Variants in ABI3BP observed in about 807,000 individuals in gnomAD.
The protein encoded by ABI3BP is ABI family member 3 binding protein, also known as target of Nesh-SH3.
ABI3BP carries 216 observed loss-of-function variants against 268.6 expected under a neutral mutation model. That is an observed-to-expected ratio of 0.80 (90% CI 0.72 to 0.90). The LOEUF is 0.90. Among genes scored for constraint, ABI3BP ranks in the 40% least tolerant of loss-of-function variants. The probability of loss-of-function intolerance (pLI) is 0.00; values close to 1 mark genes in which losing one functional copy is unlikely to be tolerated. For synonymous variants in ABI3BP, 730 were observed against 730.0 expected (o/e 1.00, Z 0.00); for missense variants, 2,090 against 2,182.4 (o/e 0.96, Z 0.84).
chr3:100,838,581 G>A, intron 24 of ABI3BP, 117 bp from the exon 25 acceptor site: 1 of 892,836 alleles, frequency 1.1e-6, no homozygotes, highest in Non-Finnish European at 1.8e-6. Context: ...AAACATTTCT[G>A]GGGTGTGGGA....
At chr3:100,805,075 G>A (rs746325345) in intron 50 of ABI3BP, among the ~76,000 whole-genome samples, 4 of 152,020 alleles carry the variant, frequency 2.6e-5, no homozygotes, top group Non-Finnish European at 5.9e-5. Flanking sequence ...AGTGAAATCC[G>A]AGAAACTGCA....
At position 100,778,309 on chromosome 3, in the gene ABI3BP, A is replaced by G. The variant is rs2096766939; in HGVS notation, c.4308T>C (p.Asn1436=). 4 of 1,613,638 alleles carry G rather than the reference A, an allele frequency of 2.5e-6. No individual in the cohort carries two copies. The highest frequency in any genetic ancestry group is 1.7e-5 in the Admixed American group (1 of 59,974). The change falls in exon 59 of 68, where the codon AAT becomes AAC. Residue 1436 remains asparagine (N), a synonymous_variant. Coordinates refer to ENST00000471714, the MANE Select transcript of ABI3BP (RefSeq NM_001375547.2). ...HPRRKPLPPN[N]VTGKPGSAGI... is the part of the protein sequence containing the mutation. Reference sequence around the variant, plus strand: ...CTGCACTTCCTGGCTTTCCAGTGACATTATTTGGTGGTAAAGGTTTTCTTC... The same window carrying G: ...CTGCACTTCCTGGCTTTCCAGTGACGTTATTTGGTGGTAAAGGTTTTCTTC...
At position 100,979,611 on chromosome 3, in the gene ABI3BP, G is replaced by A. The variant is rs9878017; in HGVS notation, c.79+13695C>T. Among the ~76,000 whole-genome samples, 556 of 152,274 alleles carry A rather than the reference G, an allele frequency of 3.7e-3. 1 individual carries two copies. The highest frequency in any genetic ancestry group is 0.013 in the African/African-American group (533 of 41,534). Reference sequence around the variant, plus strand: ...CCTCCAACCATGAAAAGGAATGTTTGAAATGGACTTTTCTGGGACACCACG... The same window carrying A: ...CCTCCAACCATGAAAAGGAATGTTTAAAATGGACTTTTCTGGGACACCACG... On this transcript the variant is annotated intron_variant, in intron 1 of 67. Transcript: ENST00000471714.
intron 1 of ABI3BP, among the ~76,000 whole-genome samples, chr3:100,946,872 A>G (rs998274697): frequency 5.3e-5 from 8 of 152,142 alleles, no homozygotes; most frequent in Admixed American, 4.6e-4. Context: ...CAGTCATTCC[A>G]GTTTTAAGAA....
At chr3:100,819,730 TAAC>T (rs1451732455) in intron 40 of ABI3BP, among the ~76,000 whole-genome samples, 1 of 151,946 alleles carries the variant, frequency 6.6e-6, no homozygotes, top group Non-Finnish European at 1.5e-5. Context: ...GGCAAGCAGA[TAAC>T]AAGGTCAGGA....
intron 2 of ABI3BP, among the ~76,000 whole-genome samples, chr3:100,917,139 A>G (rs1298890599): frequency 6.6e-6 from 1 of 152,178 alleles, no homozygotes; most frequent in East Asian, 1.9e-4. Context: ...GTCAGCTATT[A>G]CAGCTGTGAA....
chr3:100,861,609 G>A (rs2098999514), intron 14 of ABI3BP, among the ~76,000 whole-genome samples: 2 of 151,862 alleles, frequency 1.3e-5, no homozygotes, highest in Non-Finnish European at 2.9e-5. Flanking sequence ...ATCAAAAGAT[G>A]TACAGAATTT....
chr3:100,950,731 G>A (rs2074591995), intron 1 of ABI3BP, among the ~76,000 whole-genome samples: 1 of 151,760 alleles, frequency 6.6e-6, no homozygotes, highest in Non-Finnish European at 1.5e-5. Context: ...AATATCTAAT[G>A]GCATTTCATA....
intron 1 of ABI3BP, among the ~76,000 whole-genome samples, chr3:100,939,257 G>C (rs569187261): frequency 3.3e-4 from 50 of 152,240 alleles, no homozygotes; most frequent in African/African-American, 1.0e-3. Context: ...CTTCCAGAAA[G>C]AGGGATGTCG....
At chr3:100,753,386 A>G (rs1252116339) in intron 65 of ABI3BP, among the ~76,000 whole-genome samples, 1 of 152,026 alleles carries the variant, frequency 6.6e-6, no homozygotes, top group African/African-American at 2.4e-5. Flanking sequence ...CCTGGGCTCA[A>G]GTGAACATCC....
At chr3:100,910,668 C>T (rs1366324937) in intron 2 of ABI3BP, among the ~76,000 whole-genome samples, 1 of 152,024 alleles carries the variant, frequency 6.6e-6, no homozygotes, top group African/African-American at 2.4e-5. Flanking sequence ...AGCCACTGTG[C>T]CCGGCCTCAC....
At chr3:100,946,956 T>C (rs1229322933) in intron 1 of ABI3BP, among the ~76,000 whole-genome samples, 1 of 152,224 alleles carries the variant, frequency 6.6e-6, no homozygotes, top group Non-Finnish European at 1.5e-5. Context: ...ATTAACTTTA[T>C]TTGTACTTAA....
intron 4 of ABI3BP, among the ~76,000 whole-genome samples, chr3:100,893,571 C>G (rs1441608745): frequency 6.6e-6 from 1 of 151,924 alleles, no homozygotes; most frequent in Non-Finnish European, 1.5e-5. Flanking sequence ...TTAGTGACCA[C>G]CAAGAGACAT....
intron 6 of ABI3BP, among the ~76,000 whole-genome samples, chr3:100,877,164 A>T (rs992438935): frequency 6.6e-6 from 1 of 152,206 alleles, no homozygotes; most frequent in Non-Finnish European, 1.5e-5. Context: ...TGTACTGAAT[A>T]TTAGTTTATT....
intron 2 of ABI3BP, among the ~76,000 whole-genome samples, chr3:100,905,189 C>T (rs887159675): frequency 6.6e-6 from 1 of 152,004 alleles, no homozygotes; most frequent in African/African-American, 2.4e-5. Flanking sequence ...CATGTTCTCA[C>T]TCATAGGTGG....
intron 1 of ABI3BP, among the ~76,000 whole-genome samples, chr3:100,964,812 C>T (rs948481479): frequency 6.6e-5 from 10 of 152,150 alleles, no homozygotes; most frequent in Non-Finnish European, 1.5e-5. Flanking sequence ...ATTTTGGCAT[C>T]CTCCTATTTC....
intron 14 of ABI3BP, among the ~76,000 whole-genome samples, chr3:100,858,046 A>G (rs1361103352): frequency 6.6e-6 from 1 of 152,246 alleles, no homozygotes; most frequent in East Asian, 1.9e-4. Context: ...ACAATAAAAC[A>G]TGAACCAATT....
chr3:100,865,829 C>A (rs1332159086), intron 10 of ABI3BP, among the ~76,000 whole-genome samples: 1 of 152,132 alleles, frequency 6.6e-6, no homozygotes, highest in Non-Finnish European at 1.5e-5. Flanking sequence ...CCCTATAGAG[C>A]CATGCCTATG....
intron 2 of ABI3BP, among the ~76,000 whole-genome samples, chr3:100,913,527 CCTGCTGT>C (rs2057523215): frequency 6.6e-6 from 1 of 152,102 alleles, no homozygotes; most frequent in South Asian, 2.1e-4. Flanking sequence ...TTGGGGAAAT[CCTGCTGT>C]CTGCTTGGGC....
Sources: gnomAD v4.1 joint callset for allele counts (sites outside exome capture counted in the v4.1 genomes callset) on GRCh38, gnomAD v4.1.1 for gene constraint, MANE v1.5 for transcripts, NCBI Gene and HGNC (gene_info 2026-07-23, HGNC 2026-07-21) for gene names.